The following SPON1 variants were observed in gnomAD, a reference collection of about 807,000 sequenced individuals.
The protein encoded by SPON1 is spondin 1.
SPON1 carries 52 observed loss-of-function variants against 111.7 expected under a neutral mutation model. That is an observed-to-expected ratio of 0.47 (90% CI 0.37 to 0.59). The LOEUF (loss-of-function observed/expected upper bound fraction) is 0.59, where lower values mean the gene tolerates loss of function less well. Among genes scored for constraint, SPON1 ranks in the 20% least tolerant of loss-of-function variants. The pLI, the probability that SPON1 is intolerant of heterozygous loss-of-function variation, is 0.00. For missense variants in SPON1, 957 were observed against 1,068.5 expected, an observed-to-expected ratio of 0.90 and a Z score of 1.46; for synonymous variants, 410 against 395.8, an observed-to-expected ratio of 1.04 and a Z score of -0.43.
intron 6 of SPON1, among the ~76,000 whole-genome samples, chr11:14,183,631 T>C (rs1848258035): frequency 6.6e-6 from 1 of 152,208 alleles, no homozygotes; most frequent in Non-Finnish European, 1.5e-5. Flanking sequence ...AAGTTCTGGG[T>C]GAGATGTTTA....
intron 15 of SPON1, among the ~76,000 whole-genome samples, chr11:14,264,138 G>A (rs1849228965): frequency 1.3e-5 from 2 of 152,174 alleles, no homozygotes; most frequent in African/African-American, 4.8e-5. Context: ...AGGTCCAAGT[G>A]ATAAATGGGA....
chr11:14,102,118 T>A (rs1591375971), intron 5 of SPON1, among the ~76,000 whole-genome samples: 1 of 152,352 alleles, frequency 6.6e-6, no homozygotes, highest in East Asian at 1.9e-4. Flanking sequence ...TCTTACAAAA[T>A]TACAATACAC....
intron 3 of SPON1, among the ~76,000 whole-genome samples, chr11:14,046,328 C>T (rs11023061): frequency 0.062 from 9,509 of 152,212 alleles, 416 homozygotes; most frequent in South Asian, 0.17. Context: ...GAACACAGAG[C>T]CCATTGATAT....
intron 3 of SPON1, among the ~76,000 whole-genome samples, chr11:14,072,306 A>G (rs1465167362): frequency 6.6e-6 from 1 of 152,158 alleles, no homozygotes; most frequent in Non-Finnish European, 1.5e-5. Context: ...GGAAGCTGAG[A>G]CATCTTATAG....
At chr11:14,139,306 C>G (rs1847624788) in intron 6 of SPON1, among the ~76,000 whole-genome samples, 2 of 152,202 alleles carry the variant, frequency 1.3e-5, no homozygotes, top group Admixed American at 1.3e-4. Flanking sequence ...TAGGACTTAG[C>G]TTAGATGTTG....
At chr11:14,146,529 A>G (rs1009480731) in intron 6 of SPON1, among the ~76,000 whole-genome samples, 1 of 152,192 alleles carries the variant, frequency 6.6e-6, no homozygotes, top group Non-Finnish European at 1.5e-5. Context: ...CCCCAAAAAA[A>G]ATACTGCATA....
chr11:14,213,231 G>A (rs1554936879), intron 6 of SPON1, among the ~76,000 whole-genome samples: 1 of 152,180 alleles, frequency 6.6e-6, no homozygotes, highest in Non-Finnish European at 1.5e-5. Context: ...GAAACTCTGT[G>A]TCCAAATAGG....
chr11:14,010,166 G>T (rs10500789), intron 2 of SPON1, among the ~76,000 whole-genome samples: 14,622 of 152,184 alleles, frequency 0.096, 779 homozygotes, highest in Middle Eastern at 0.15. Flanking sequence ...ACTCAGTTTT[G>T]CCCATGTTGG....
intron 5 of SPON1, among the ~76,000 whole-genome samples, chr11:14,124,177 C>A (rs138295923): frequency 6.6e-6 from 1 of 152,104 alleles, no homozygotes; most frequent in Non-Finnish European, 1.5e-5. Flanking sequence ...AGTCTTTATA[C>A]ACACACACTC....
chr11:14,195,214 C>T (rs1554934943), intron 6 of SPON1, among the ~76,000 whole-genome samples: 1 of 152,176 alleles, frequency 6.6e-6, no homozygotes, highest in Admixed American at 6.5e-5. Flanking sequence ...AAATGCTATG[C>T]AGAGTTCAGA....
chr11:14,124,474 T>C (rs1485178285), intron 5 of SPON1, among the ~76,000 whole-genome samples: 1 of 152,196 alleles, frequency 6.6e-6, no homozygotes, highest in Non-Finnish European at 1.5e-5. Context: ...CACGCTTTAT[T>C]GTAATTGCCT....
At chr11:14,186,710 T>C (rs1848289674) in intron 6 of SPON1, among the ~76,000 whole-genome samples, 1 of 152,218 alleles carries the variant, frequency 6.6e-6, no homozygotes, top group Non-Finnish European at 1.5e-5. Context: ...TTTATATCCT[T>C]GTGCAGGGCC....
At chr11:14,131,436 C>T (rs1046030618) in intron 5 of SPON1, among the ~76,000 whole-genome samples, 5 of 152,158 alleles carry the variant, frequency 3.3e-5, no homozygotes, top group African/African-American at 1.2e-4. Context: ...ATCCCTGCTC[C>T]GACTAGCCTG....
rs549749016 is a variant in SPON1, at chr11:14,048,098, G to A, written c.479+6444G>A. 6.6e-5 allele frequency among the ~76,000 whole-genome samples: 10 copies of A among 152,316 alleles called. No homozygotes were observed. In the South Asian group the frequency reaches 1.5e-3, roughly 22 times the overall value. On this transcript the variant is annotated intron_variant, in intron 3 of 15. Transcript: ENST00000576479. Reference sequence around the variant, plus strand: ...CTACTACAAATACAAAATTAGCCAGGTGTGGAGGTGCATGCCTGTAATCCC... The same window carrying A: ...CTACTACAAATACAAAATTAGCCAGATGTGGAGGTGCATGCCTGTAATCCC...
At chr11:14,192,868 C>A (rs1342849955) in intron 6 of SPON1, among the ~76,000 whole-genome samples, 1 of 151,894 alleles carries the variant, frequency 6.6e-6, no homozygotes, top group Non-Finnish European at 1.5e-5. Context: ...GGTAAAGAAC[C>A]AAACCAGAGA....
In SPON1 at chr11:14,259,686, A is replaced by C. The variant is rs1849150710; in HGVS notation, c.1816A>C (p.Met606Leu). The part of the protein sequence containing the change: ...KAETSQAEKC[M>L]MPECHTIPCL... ...CGAGACATCACAGGCAGAGAAGTGC[A>C]TGATGCCAGAGTGCCGTGAGTGAGA... Residue 606 changes from methionine to leucine, a missense_variant, in exon 13 of 16, where the codon ATG (methionine) becomes CTG (leucine). This residue lies in a region of SPON1 where 549 missense variants were observed against 606.2 expected (regional missense o/e 0.91). Coordinates refer to ENST00000576479, the MANE Select transcript of SPON1 (RefSeq NM_006108.4). This position sits in a 1 kb window ranked among gnomAD's most constrained non-coding sequence, Gnocchi z 5.0. 6.4e-7 allele frequency: 1 copy of C among 1,573,558 alleles called. No homozygotes were observed. The highest frequency in any genetic ancestry group is 1.2e-5 in the South Asian group (1 of 85,234).
In SPON1 at chr11:14,185,745, T is replaced by C. The variant is rs140761306; in HGVS notation, c.825+50177T>C. On this transcript the variant is annotated intron_variant, in intron 6 of 15. Transcript: ENST00000576479. ...CTCCAGACTCCTTTTGTCTTTGTGA[T>C]GGTTCTGTAGTTTCTGCTGATTGAC... Among the ~76,000 whole-genome samples, 7 of 152,398 alleles carry C rather than the reference T, an allele frequency of 4.6e-5. 1 individual carries two copies. The East Asian group carries it at 9.6e-4, about 21-fold the overall frequency.
chr11:13,968,073 T>A (rs1848033004), intron 1 of SPON1, among the ~76,000 whole-genome samples: 1 of 152,232 alleles, frequency 6.6e-6, no homozygotes, highest in South Asian at 2.1e-4. Context: ...CGTTTACCAC[T>A]ATGGGCTGGT....
chr11:14,184,661 G>C lies in SPON1; in HGVS notation c.825+49093G>C, dbSNP rs1848267497. 1.3e-5 allele frequency among the ~76,000 whole-genome samples: 2 copies of C among 152,108 alleles called. 1 individual carries two copies. The highest frequency in any genetic ancestry group is 4.8e-5 in the African/African-American group (2 of 41,416). Reference sequence around the variant, plus strand: ...CCAACCCATTCCTTTGTCTTCCCTGGCTCTGACTTGGCTTTCCCCATAACT... The same window carrying C: ...CCAACCCATTCCTTTGTCTTCCCTGCCTCTGACTTGGCTTTCCCCATAACT... On this transcript the variant is annotated intron_variant, in intron 6 of 15. Transcript: ENST00000576479.
Sources: allele counts gnomAD v4.1 joint callset (sites outside exome capture counted in the v4.1 genomes callset), GRCh38; gene constraint gnomAD v4.1.1; regional missense constraint gnomAD v4.1.1; non-coding constraint Gnocchi (gnomAD v3.1); transcripts MANE v1.5; gene names NCBI Gene and HGNC (gene_info 2026-07-23, HGNC 2026-07-21).